ACLY: variants seen among roughly 807,000 people sequenced by gnomAD.
ACLY encodes the protein ATP-citrate synthase.
In ACLY, 41 loss-of-function variants were observed where a neutral mutation model predicts 133.0. The ratio of observed to expected loss-of-function variants is 0.31; its 90% CI spans 0.24 to 0.40. The LOEUF is 0.40. Ranked by LOEUF, ACLY falls within the 10% of genes least tolerant of loss-of-function variation. ACLY has a pLI of 1.00. For missense variants in ACLY, 1,046 were observed against 1,453.8 expected (o/e 0.72, Z 4.56); for synonymous variants, 495 against 549.3 (o/e 0.90, Z 1.38).
intron 22 of ACLY, among the ~76,000 whole-genome samples, chr17:41,875,179 T>C (rs782554184): frequency 2.6e-5 from 4 of 151,848 alleles, no homozygotes; most frequent in Non-Finnish European, 5.9e-5. Context: ...TGAAACCCCA[T>C]TATCTATTGA....
At chr17:41,918,496 G>C (rs1234510314) in intron 1 of ACLY, among the ~76,000 whole-genome samples, 1 of 152,242 alleles carries the variant, frequency 6.6e-6, no homozygotes, top group Non-Finnish European at 1.5e-5. Flanking sequence ...CATCCGATGG[G>C]GGAACCCGGA....
At chr17:41,874,027 C>A in intron 22 of ACLY, 62 bp from the exon 23 acceptor site, 2 of 1,474,616 alleles carry the variant, frequency 1.4e-6, no homozygotes, top group Admixed American at 2.2e-5. Context: ...TTTTCCAGGA[C>A]TGCCCTGCTG....
intron 6 of ACLY, among the ~76,000 whole-genome samples, chr17:41,908,025 G>A (rs536023712): frequency 2.6e-5 from 4 of 152,240 alleles, no homozygotes; most frequent in African/African-American, 4.8e-5. Flanking sequence ...AGCAGGGGCC[G>A]CAGGGTGCAC....
intron 22 of ACLY, among the ~76,000 whole-genome samples, chr17:41,876,933 A>G (rs370783990): frequency 6.6e-6 from 1 of 152,010 alleles, no homozygotes; most frequent in Non-Finnish European, 1.5e-5. Flanking sequence ...AAAAAAGGAA[A>G]AAAAAAAAAG....
chr17:41,916,723 T>C (rs1305493742), intron 1 of ACLY, among the ~76,000 whole-genome samples: 2 of 151,956 alleles, frequency 1.3e-5, no homozygotes, highest in Non-Finnish European at 2.9e-5. Flanking sequence ...CTTAACCTCT[T>C]TGAGGCCTCA....
intron 3 of ACLY, 82 bp downstream of exon 3, chr17:41,912,338 G>A: frequency 6.5e-7 from 1 of 1,535,808 alleles, no homozygotes; most frequent in East Asian, 2.3e-5. Context: ...CTGTGGGGGT[G>A]ATCCACAGAG....
At chr17:41,883,863 C>T (rs1437375563) in intron 19 of ACLY, among the ~76,000 whole-genome samples, 8 of 152,064 alleles carry the variant, frequency 5.3e-5, no homozygotes, top group African/African-American at 9.7e-5. Flanking sequence ...GGGAGGATTA[C>T]AGGTGTGAGC....
In ACLY at chr17:41,913,900, T is replaced by G. The variant is rs1555634103; in HGVS notation, c.-23-4A>C. ...GCTGCAGAGAGACCTGCTCTACCTGTCTGGGAGAGAGAAGCTGGTCAGAAG... is the reference window on the plus strand; with the variant it reads ...GCTGCAGAGAGACCTGCTCTACCTGGCTGGGAGAGAGAAGCTGGTCAGAAG... On this transcript the variant is annotated splice_region_variant and splice_polypyrimidine_tract_variant and intron_variant, in intron 1 of 28. Coordinates refer to ENST00000352035, the MANE Select transcript of ACLY (RefSeq NM_001096.3). 1.2e-6 allele frequency: 2 copies of G among 1,613,902 alleles called. No individual in the cohort carries two copies. The highest frequency in any genetic ancestry group is 2.2e-5 in the South Asian group (2 of 91,060).
At position 41,866,919 on chromosome 17, in the gene ACLY, G is replaced by A. The variant is rs1454348782; in HGVS notation, c.*891C>T. On this transcript the variant is annotated 3_prime_UTR_variant, in exon 29 of 29. Transcript: ENST00000352035. Reference sequence around the variant, plus strand: ...TATGGATGCCAGGAGCCAGCAGTATGCCTTCATTGTTACTATATAGTTTAT... The same window carrying A: ...TATGGATGCCAGGAGCCAGCAGTATACCTTCATTGTTACTATATAGTTTAT... 1.3e-5 allele frequency: 2 copies of A among 152,256 alleles called. No homozygotes were observed. The highest frequency in any genetic ancestry group is 4.8e-5 in the African/African-American group (2 of 41,442). 9.4% of individuals were successfully genotyped at this position (152,256 alleles called of 1,614,324 possible). A position where few individuals can be genotyped will look rare whatever the true frequency, so the allele number is the denominator to read the frequency against.
rs782275979 is a variant in ACLY at position 41,866,948 on chromosome 17, A to T, written c.*862T>A. On this transcript the variant is annotated 3_prime_UTR_variant, in exon 29 of 29. Transcript: ENST00000352035. ...TCATTGTTACTATATAGTTTATTTA[A>T]ACCAGACTATGATAATACAGAGAAG... 1 of 152,430 alleles carries T rather than the reference A, an allele frequency of 6.6e-6. No homozygotes were observed. Among genetic ancestry groups the T allele is most frequent in the African/African-American group, 2.4e-5 (1 of 41,452 alleles). The allele number at this position is 152,430 out of a possible 1,614,324, so 9.4% of individuals were successfully genotyped here.
At position 41,883,225 on chromosome 17, in the gene ACLY, C is replaced by A. The variant is rs782750149; in HGVS notation, c.2162G>T (p.Gly721Val). The A allele has an allele frequency of 6.2e-7, 1 of 1,613,516 alleles. No homozygotes were observed. The highest frequency in any genetic ancestry group is 8.5e-7 in the Non-Finnish European group (1 of 1,179,868). Residue 721 changes from glycine to valine, a missense_variant, in exon 20 of 29, where the codon GGC (glycine) becomes GTC (valine). This residue lies in a region of ACLY where 575 missense variants were observed against 804.2 expected (regional missense o/e 0.71). Transcript: ENST00000352035. ...KMIVVLGEIG[G>V]TEEYKICRGI... ...CCGGCAAATCTTATATTCCTCAGTG[C>A]CCCCAATCTGCCAAGGAATGGGGAA...
intron 1 of ACLY, among the ~76,000 whole-genome samples, chr17:41,917,939 G>T (rs961075847): frequency 2.0e-5 from 3 of 152,214 alleles, no homozygotes; most frequent in Non-Finnish European, 4.4e-5. Flanking sequence ...AAAGTTAAGG[G>T]TGGAGAGGAG....
chr17:41,887,690 G>A lies in ACLY; in HGVS notation c.1784C>T (p.Ala595Val). The A allele has an allele frequency of 3.1e-6, 5 of 1,613,618 alleles. No individual in the cohort carries two copies. Among genetic ancestry groups the A allele is most frequent in the Non-Finnish European group, 3.4e-6 (4 of 1,179,684 alleles). Residue 595 changes from alanine to valine, a missense_variant, in exon 17 of 29, where the codon GCC becomes GTC. Ala to Val is a moderately conservative substitution (Grantham distance 64). Transcript: ENST00000352035. ...CTCAGGGATGCCTTCAGCTATGATGGCGATGGTCCGGATCTAGAGGATGAC... is the reference window on the plus strand; with the variant it reads ...CTCAGGGATGCCTTCAGCTATGATGACGATGGTCCGGATCTAGAGGATGAC... ...TMNYAQIRTI[A>V]IIAEGIPEAL... is the part of the protein sequence containing the mutation.
At chr17:41,872,220 A>G in intron 23 of ACLY, 38 bp from the exon 24 acceptor site, 1 of 1,594,808 alleles carries the variant, frequency 6.3e-7, no homozygotes, top group Non-Finnish European at 8.6e-7. Context: ...GATGGTCGAC[A>G]AGGCCATGCT....
upstream of ACLY, among the ~76,000 whole-genome samples, chr17:41,921,381 G>A (rs1174872900): frequency 6.6e-6 from 1 of 151,148 alleles, no homozygotes; most frequent in Non-Finnish European, 1.5e-5. Flanking sequence ...CTACTTGGGA[G>A]ACCGAGGTGG....
intron 10 of ACLY, chr17:41,904,451 C>G (rs2049650002): frequency 2.1e-6 from 1 of 468,386 alleles, no homozygotes. Flanking sequence ...AAGCATTGGT[C>G]CTGAGAAGGA....
At chr17:41,885,937 T>G (rs142124581) in intron 18 of ACLY, among the ~76,000 whole-genome samples, 175 bp downstream of exon 18, 121 of 152,318 alleles carry the variant, frequency 7.9e-4, no homozygotes, top group African/African-American at 2.8e-3. Flanking sequence ...TGTTTTCCGA[T>G]TTCATGCTCT....
intron 16 of ACLY, among the ~76,000 whole-genome samples, chr17:41,889,478 C>T (rs1379368664): frequency 4.9e-5 from 6 of 122,614 alleles, no homozygotes; most frequent in African/African-American, 1.9e-4. Flanking sequence ...GAGATCACGC[C>T]GCTGTACTCA....
Position 41,872,175 on chromosome 17 carries a change from T to G in ACLY, c.2650A>C (p.Lys884Gln), listed in dbSNP as rs1555625255. The G allele has an allele frequency of 6.2e-7, 1 of 1,613,274 alleles. No homozygotes were observed. Among genetic ancestry groups the G allele is most frequent in the Admixed American group, 1.7e-5 (1 of 59,968 alleles). ...ATCTCAATGAACTGGCAAGAGTACT[T>G]AGGCAACCTGGAGTGGGGGGAACAA... The part of the protein sequence containing the change: ...GLLWFQKRLP[K>Q]YSCQFIEMCL... The change falls in exon 24 of 29, where the codon AAG becomes CAG. Residue 884 changes from lysine (K) to glutamine (Q), a missense_variant. Coordinates refer to ENST00000352035, the MANE Select transcript of ACLY (RefSeq NM_001096.3).
Sources: gnomAD v4.1 joint callset for allele counts (sites outside exome capture counted in the v4.1 genomes callset) on GRCh38, gnomAD v4.1.1 for gene constraint, gnomAD v4.1.1 regional missense constraint, MANE v1.5 for transcripts, NCBI Gene and HGNC (gene_info 2026-07-23, HGNC 2026-07-21) for gene names.